PCDHGA7: variants seen among roughly 807,000 people sequenced by gnomAD.
The protein encoded by PCDHGA7 is protocadherin gamma-A7.
A neutral mutation model predicts 58.3 loss-of-function variants in PCDHGA7; 44 were observed. That is an observed-to-expected ratio of 0.75 (90% CI 0.59 to 0.97). The LOEUF is 0.97. PCDHGA7 is among the 50% of genes least tolerant of loss of function. The probability of loss-of-function intolerance (pLI) is 0.00; values close to 1 mark genes in which losing one functional copy is unlikely to be tolerated. For synonymous variants in PCDHGA7, 516 were observed against 504.2 expected (o/e 1.02, Z -0.31); for missense variants, 1,266 against 1,188.7 (o/e 1.06, Z -0.96).
intron 1 of PCDHGA7, among the ~76,000 whole-genome samples, chr5:141,483,218 A>G (rs2099578440): frequency 6.6e-6 from 1 of 152,188 alleles, no homozygotes; most frequent in Admixed American, 6.5e-5. Flanking sequence ...GATGACAGTC[A>G]CTGCAGAAAT....
intron 1 of PCDHGA7, chr5:141,392,696 T>A: frequency 8.2e-7 from 1 of 1,212,692 alleles, no homozygotes. Flanking sequence ...ACCCGACCCC[T>A]GTTTGGAGGC....
At position 141,385,269 on chromosome 5, in the gene PCDHGA7, T is replaced by TAACATCCTTAGATGTTAGA. The variant is rs771830831; in HGVS notation, c.2370_2371insAACATCCTTAGATGTTAGA (p.Leu791AsnfsTer6). 1.9e-4 allele frequency: 313 copies of TAACATCCTTAGATGTTAGA among 1,614,062 alleles called. No individual in the cohort carries two copies. Among genetic ancestry groups the TAACATCCTTAGATGTTAGA allele is most frequent in the Non-Finnish European group, 2.4e-4 (282 of 1,180,022 alleles). On this transcript the variant is annotated stop_gained and frameshift_variant, in exon 1 of 4. Coordinates refer to ENST00000518325, the MANE Select transcript of PCDHGA7 (RefSeq NM_018920.4). LOFTEE classifies it high-confidence loss of function. Reference sequence around the variant, plus strand: ...AGGAGAGCTGTGAGAAAAATGATTCTTTGCTAACATCCGTAGATTTTCAGG... The same window carrying TAACATCCTTAGATGTTAGA: ...AGGAGAGCTGTGAGAAAAATGATTCTAACATCCTTAGATGTTAGATTGCTAACATCCGTAGATTTTCAGG...
rs376057952 is a variant in PCDHGA7 at position 141,417,907 on chromosome 5, A to G, written c.2424+32584A>G. On this transcript the variant is annotated intron_variant, in intron 1 of 3. Transcript: ENST00000518325. Reference sequence around the variant, plus strand: ...GGCGCCGGGCCGGCCCGCGGCAGGTACTATTTCCTTTGCTGCTGCCTTTGT... The same window carrying G: ...GGCGCCGGGCCGGCCCGCGGCAGGTGCTATTTCCTTTGCTGCTGCCTTTGT... The G allele has an allele frequency of 3.6e-4, 571 of 1,596,132 alleles. 2 individuals are homozygous for G. In the African/African-American group the frequency reaches 5.1e-3, roughly 14 times the overall value.
At chr5:141,445,148 C>A (rs1051995635) in intron 1 of PCDHGA7, among the ~76,000 whole-genome samples, 3 of 152,092 alleles carry the variant, frequency 2.0e-5, no homozygotes, top group Non-Finnish European at 4.4e-5. Context: ...TCTAATTGTT[C>A]ATTTCTAGTT....
chr5:141,470,825 C>T (rs557419577), intron 1 of PCDHGA7, among the ~76,000 whole-genome samples: 5 of 152,064 alleles, frequency 3.3e-5, no homozygotes, highest in Admixed American at 1.3e-4. Context: ...GTAGTTAGGA[C>T]GACAAACACA....
chr5:141,474,208 A>C (rs1243312558), intron 1 of PCDHGA7, among the ~76,000 whole-genome samples: 1 of 152,242 alleles, frequency 6.6e-6, no homozygotes, highest in Non-Finnish European at 1.5e-5. Context: ...TGATTTTCAA[A>C]AACCAGATTG....
chr5:141,431,622 C>T lies in PCDHGA7; in HGVS notation c.2424+46299C>T, dbSNP rs761448407. 3 of 1,614,070 alleles carry T rather than the reference C, an allele frequency of 1.9e-6. No individual in the cohort carries two copies. The African/African-American group carries it at 4.0e-5, about 22-fold the overall frequency. ...TCCTTCCGGTATGTGGACGACAAGGCGGCCCAAGTTTTCAAACTAGATTGT... is the reference window on the plus strand; with the variant it reads ...TCCTTCCGGTATGTGGACGACAAGGTGGCCCAAGTTTTCAAACTAGATTGT... On this transcript the variant is annotated intron_variant, in intron 1 of 3. Transcript: ENST00000518325. The surrounding 1 kb of genome is among the most constrained non-coding windows in gnomAD (Gnocchi z 4.8).
At chr5:141,419,775 G>C in intron 1 of PCDHGA7, 1 of 1,614,016 alleles carries the variant, frequency 6.2e-7, no homozygotes, top group Non-Finnish European at 8.5e-7. Flanking sequence ...GACTCGGTCC[G>C]CCAGCGCCTG....
At chr5:141,399,679 T>C (rs757165628) in intron 1 of PCDHGA7, 4 of 1,613,560 alleles carry the variant, frequency 2.5e-6, no homozygotes, top group South Asian at 2.2e-5. Flanking sequence ...CGCCTTTGAC[T>C]ACGAGCAGCT....
rs146748846 is a variant in PCDHGA7 at position 141,452,937 on chromosome 5, G to C, written c.2425-41870G>C. 4.0e-4 allele frequency among the ~76,000 whole-genome samples: 61 copies of C among 152,254 alleles called. No individual in the cohort carries two copies. The East Asian group carries it at 0.01, about 26-fold the overall frequency. On this transcript the variant is annotated intron_variant, in intron 1 of 3. Coordinates refer to ENST00000518325, the MANE Select transcript of PCDHGA7 (RefSeq NM_018920.4). The stretch of plus-strand genomic sequence containing the variant: ...AGTAAGAAAGAGCTGCTGAAGATTT[G>C]CTTGCAATTGGTTGTCTTTAAACTG...
At chr5:141,400,404 GT>G (rs2094016313) in intron 1 of PCDHGA7, 1 of 1,613,948 alleles carries the variant, frequency 6.2e-7, no homozygotes, top group South Asian at 1.1e-5. Flanking sequence ...GAAAGACGGA[GT>G]TTAATTTCCT....
intron 1 of PCDHGA7, chr5:141,422,432 A>T: frequency 6.2e-7 from 1 of 1,609,448 alleles, no homozygotes; most frequent in South Asian, 1.1e-5. Context: ...TATGGAAATT[A>T]TTACAAATTG....
chr5:141,484,653 C>G (rs2099598614), intron 1 of PCDHGA7, among the ~76,000 whole-genome samples: 1 of 152,036 alleles, frequency 6.6e-6, no homozygotes, highest in Non-Finnish European at 1.5e-5. Flanking sequence ...AATGGCTACT[C>G]TCCCTCTCAG....
intron 1 of PCDHGA7, chr5:141,389,814 G>A (rs753211260): frequency 1.2e-6 from 2 of 1,613,866 alleles, no homozygotes; most frequent in East Asian, 2.2e-5. Context: ...TCTGGTCGCC[G>A]TGCGTGACGG....
chr5:141,512,656 C>G lies in PCDHGA7; in HGVS notation c.*1483C>G, dbSNP rs1262748947. ...CCCTTACAGTAGTGTAGCGCCCCCT[C>G]CCTCTTTCGGCTGGTGTAGAATAGC... On this transcript the variant is annotated 3_prime_UTR_variant, in exon 4 of 4. Coordinates refer to ENST00000518325, the MANE Select transcript of PCDHGA7 (RefSeq NM_018920.4). 1 of 152,508 alleles carries G rather than the reference C, an allele frequency of 6.6e-6. No homozygotes were observed. The highest frequency in any genetic ancestry group is 1.5e-5 in the Non-Finnish European group (1 of 68,228). The allele number at this position is 152,508 out of a possible 1,614,324, so 9.4% of individuals were successfully genotyped here.
chr5:141,475,820 C>T (rs890721743), intron 1 of PCDHGA7: 2 of 351,808 alleles, frequency 5.7e-6, no homozygotes, highest in African/African-American at 2.1e-5. Context: ...AAGTTCCTGG[C>T]GCTAGCGCGT....
chr5:141,396,628 A>G (rs1384822433), intron 1 of PCDHGA7: 2 of 152,210 alleles, frequency 1.3e-5, no homozygotes, highest in Non-Finnish European at 2.9e-5. Flanking sequence ...TCAAAAAAAA[A>G]AAAAACTAAT....
In PCDHGA7 at chr5:141,476,659, G is replaced by A; in HGVS notation, c.2425-18148G>A. On this transcript the variant is annotated intron_variant, in intron 1 of 3. Coordinates refer to ENST00000518325, the MANE Select transcript of PCDHGA7 (RefSeq NM_018920.4). The surrounding 1 kb of genome is among the most constrained non-coding windows in gnomAD (Gnocchi z 7.6). ...AGCTGAGCCGAAATGAATACTTTGC[G>A]CTTCGCGTGCAGACGCGGGAGGACA... 2 of 1,614,252 alleles carry A rather than the reference G, an allele frequency of 1.2e-6. No homozygotes were observed. Among genetic ancestry groups the A allele is most frequent in the Non-Finnish European group, 8.5e-7 (1 of 1,180,048 alleles).
Position 141,491,793 on chromosome 5 carries a change from C to A in PCDHGA7, c.2425-3014C>A. 6.6e-7 allele frequency: 1 copy of A among 1,511,410 alleles called. No homozygotes were observed. The highest frequency in any genetic ancestry group is 1.3e-5 in the South Asian group (1 of 77,572). The allele number at this position is 1,511,410 out of a possible 1,614,324, so 93.6% of individuals were successfully genotyped here. On this transcript the variant is annotated intron_variant, in intron 1 of 3. Coordinates refer to ENST00000518325, the MANE Select transcript of PCDHGA7 (RefSeq NM_018920.4). This position sits in a 1 kb window ranked among gnomAD's most constrained non-coding sequence, Gnocchi z 6.9. ...AGGGATTGAACTTGCATCCACTCCT[C>A]TCCGGCCGGCTTGGTCGCTGGCTGC...
Sources: allele counts gnomAD v4.1 joint callset (sites outside exome capture counted in the v4.1 genomes callset), GRCh38; gene constraint gnomAD v4.1.1; non-coding constraint Gnocchi (gnomAD v3.1); transcripts MANE v1.5; gene names NCBI Gene and HGNC (gene_info 2026-07-23, HGNC 2026-07-21).